The following MAP7 variants were observed in gnomAD, a reference collection of about 807,000 sequenced individuals.
The protein encoded by MAP7 is microtubule associated protein 7.
MAP7 carries 52 observed loss-of-function variants against 94.8 expected under a neutral mutation model. The observed-to-expected ratio is 0.55, with a 90% CI of 0.44 to 0.69. The LOEUF is 0.69. MAP7 is among the 30% of genes least tolerant of loss of function. The probability of loss-of-function intolerance (pLI) is 0.00; values close to 1 mark genes in which losing one functional copy is unlikely to be tolerated. For synonymous variants in MAP7, 350 were observed against 357.0 expected (o/e 0.98, Z 0.22); for missense variants, 940 against 964.6 (o/e 0.97, Z 0.34).
At chr6:136,364,110 C>A in intron 10 of MAP7, 1 of 326,110 alleles carries the variant, frequency 3.1e-6, no homozygotes. Flanking sequence ...GCAGTGCCAG[C>A]CCCACACTTG....
chr6:136,526,653 A>G (rs780176335), intron 1 of MAP7: 176 of 985,444 alleles, frequency 1.8e-4, no homozygotes, highest in Non-Finnish European at 2.0e-4. Flanking sequence ...GCGGCAGCGC[A>G]GCAGGATGGG....
intron 1 of MAP7, among the ~76,000 whole-genome samples, chr6:136,426,275 G>A (rs9494517): frequency 6.6e-6 from 1 of 152,142 alleles, no homozygotes; most frequent in African/African-American, 2.4e-5. Flanking sequence ...ACCAGCCTCA[G>A]AAATGTTAAG....
chr6:136,453,511 A>G (rs941917391), intron 1 of MAP7, among the ~76,000 whole-genome samples: 2 of 152,218 alleles, frequency 1.3e-5, no homozygotes, highest in African/African-American at 4.8e-5. Context: ...GTGAATGTTC[A>G]GTGAGTGACT....
At chr6:136,418,599 C>A (rs1332642155) in intron 2 of MAP7, among the ~76,000 whole-genome samples, 1 of 152,164 alleles carries the variant, frequency 6.6e-6, no homozygotes, top group Non-Finnish European at 1.5e-5. Context: ...CTGGAGCCTT[C>A]TAATGAGTTT....
chr6:136,491,871 TA>T (rs889376151), intron 1 of MAP7, among the ~76,000 whole-genome samples: 4 of 152,258 alleles, frequency 2.6e-5, no homozygotes, highest in African/African-American at 9.6e-5. Flanking sequence ...AAACATGTTA[TA>T]AATGCATTAA....
chr6:136,360,153 CTTTT>C (rs200986298), intron 13 of MAP7, 122 bp from the exon 14 acceptor site: 228 of 599,464 alleles, frequency 3.8e-4, no homozygotes, highest in Middle Eastern at 7.0e-4. Flanking sequence ...ACAATATGCA[CTTTT>C]TTTTTTTTTT....
chr6:136,445,001 T>A (rs1236753468), intron 1 of MAP7, among the ~76,000 whole-genome samples: 1 of 152,214 alleles, frequency 6.6e-6, no homozygotes. Context: ...TACACCTTTG[T>A]TAGGTCTCTC....
rs879807922 is a variant in MAP7, at chr6:136,401,781, TA to T, written c.244+9838del. On this transcript the variant is annotated intron_variant, in intron 3 of 17. Coordinates refer to ENST00000354570, the MANE Select transcript of MAP7 (RefSeq NM_003980.6). ...TGTACCCAAGAACTTAAAGTATAAT[TA>T]AAAAAAAAAAAAGAAACCCTGTCTC... Among the ~76,000 whole-genome samples, 1,009 of 136,654 alleles carry T rather than the reference TA, an allele frequency of 7.4e-3. 6 individuals carry two copies. The highest frequency in any genetic ancestry group is 0.016 in the African/African-American group (595 of 37,360). The allele number at this position is 136,654 out of a possible 152,430, so 89.7% of individuals were successfully genotyped here. A position where few individuals can be genotyped will look rare whatever the true frequency, so the allele number is the denominator to read the frequency against.
intron 1 of MAP7, among the ~76,000 whole-genome samples, chr6:136,540,758 T>C (rs989871147): frequency 6.6e-6 from 1 of 152,202 alleles, no homozygotes; most frequent in Non-Finnish European, 1.5e-5. Flanking sequence ...CAGCACTGAT[T>C]GCACACCAGA....
intron 1 of MAP7, among the ~76,000 whole-genome samples, chr6:136,492,148 G>A (rs1816808723): frequency 6.6e-6 from 1 of 152,212 alleles, no homozygotes; most frequent in Admixed American, 6.5e-5. Flanking sequence ...TCATACCTCA[G>A]ATCATCAGGC....
chr6:136,514,295 C>T (rs1409554381), intron 1 of MAP7, among the ~76,000 whole-genome samples: 2 of 151,996 alleles, frequency 1.3e-5, no homozygotes, highest in African/African-American at 2.4e-5. Context: ...CAACATTAAC[C>T]TCCTTGTGGC....
At chr6:136,521,350 T>A (rs1826359548) in intron 1 of MAP7, among the ~76,000 whole-genome samples, 2 of 152,280 alleles carry the variant, frequency 1.3e-5, no homozygotes, top group Admixed American at 1.3e-4. Context: ...TGGCACGCTA[T>A]GGAGGATGGG....
intron 7 of MAP7, among the ~76,000 whole-genome samples, chr6:136,376,361 A>C (rs1776154466): frequency 6.6e-6 from 1 of 151,886 alleles, no homozygotes; most frequent in Admixed American, 6.6e-5. Context: ...GGCCTCCCAA[A>C]GTGCTGGGAT....
intron 16 of MAP7, among the ~76,000 whole-genome samples, chr6:136,354,803 C>T (rs1790410282): frequency 6.6e-6 from 1 of 152,056 alleles, no homozygotes; most frequent in South Asian, 2.1e-4. Context: ...TTATCTGTAT[C>T]AAATATAGTA....
At chr6:136,388,765 G>C (rs533894268) in intron 4 of MAP7, among the ~76,000 whole-genome samples, 7 of 152,122 alleles carry the variant, frequency 4.6e-5, no homozygotes, top group African/African-American at 1.7e-4. Context: ...TAGGGTGTGC[G>C]TGATGCTTTC....
At chr6:136,474,170 T>C (rs986193942) in intron 1 of MAP7, among the ~76,000 whole-genome samples, 7 of 151,982 alleles carry the variant, frequency 4.6e-5, no homozygotes, top group Non-Finnish European at 8.8e-5. Flanking sequence ...TCACTCTGGG[T>C]TAAAAAGTGG....
At chr6:136,419,788 A>C (rs2128765208) in intron 2 of MAP7, 1 of 257,458 alleles carries the variant, frequency 3.9e-6, no homozygotes, top group East Asian at 8.3e-5. Context: ...AGTTTTATTA[A>C]AGTTTTCACC....
At chr6:136,489,318 A>T (rs1411146898) in intron 1 of MAP7, among the ~76,000 whole-genome samples, 2 of 152,118 alleles carry the variant, frequency 1.3e-5, no homozygotes, top group Non-Finnish European at 2.9e-5. Context: ...CTAGAAAAAA[A>T]AGTATGTTTC....
rs142644812 is a variant in MAP7 at position 136,479,995 on chromosome 6, C to T, written c.68-58196G>A. Among the ~76,000 whole-genome samples, 1,006 of 152,184 alleles carry T rather than the reference C, an allele frequency of 6.6e-3. 17 individuals are homozygous for T. The highest frequency in any genetic ancestry group is 0.023 in the African/African-American group (936 of 41,524). On this transcript the variant is annotated intron_variant, in intron 1 of 17. Transcript: ENST00000354570. ...TTCTTCACAGAAATAGAAAAACAAT[C>T]CTAAAATTTATTTGGAACCACAAAA...
Sources: allele counts gnomAD v4.1 joint callset (sites outside exome capture counted in the v4.1 genomes callset), GRCh38; gene constraint gnomAD v4.1.1; transcripts MANE v1.5; gene names NCBI Gene and HGNC (gene_info 2026-07-23, HGNC 2026-07-21).